SMYD3: variants seen among roughly 807,000 people sequenced by gnomAD.
The protein encoded by SMYD3 is SET and MYND domain containing 3, also known as histone-lysine N-methyltransferase SMYD3.
A neutral mutation model predicts 57.7 loss-of-function variants in SMYD3; 36 were observed. The observed-to-expected ratio is 0.62, with a 90% confidence interval of 0.48 to 0.82. The LOEUF is 0.82. Ranked by LOEUF, SMYD3 falls within the 40% of genes least tolerant of loss-of-function variation. The probability of loss-of-function intolerance (pLI) is 0.00; values close to 1 mark genes in which losing one functional copy is unlikely to be tolerated. For missense variants in SMYD3, 515 were observed against 538.8 expected (o/e 0.96, Z 0.44); for synonymous variants, 211 against 195.0 (o/e 1.08, Z -0.68).
intron 10 of SMYD3, among the ~76,000 whole-genome samples, chr1:245,785,795 C>A (rs906194005): frequency 1.3e-5 from 2 of 152,152 alleles, no homozygotes; most frequent in African/African-American, 4.8e-5. Context: ...AACTCCTTGG[C>A]TCAAGAGATC....
chr1:246,031,728 C>T (rs1191714835), intron 5 of SMYD3, among the ~76,000 whole-genome samples: 6 of 125,106 alleles, frequency 4.8e-5, no homozygotes, highest in Non-Finnish European at 1.6e-5. Context: ...CAGAGCGAGA[C>T]TTTGTCTCGA....
At chr1:246,388,031 C>T (rs2066514573) in intron 1 of SMYD3, among the ~76,000 whole-genome samples, 1 of 55,602 alleles carries the variant, frequency 1.8e-5, no homozygotes. Flanking sequence ...AGAAAACATT[C>T]ATTCTTGAAA....
At chr1:245,753,632 G>A (rs2045486793) in intron 11 of SMYD3, among the ~76,000 whole-genome samples, 1 of 151,708 alleles carries the variant, frequency 6.6e-6, no homozygotes, top group Admixed American at 6.6e-5. Flanking sequence ...GTGAGCTGGG[G>A]CAGACAGTCC....
intron 5 of SMYD3, among the ~76,000 whole-genome samples, chr1:246,187,377 A>G (rs1434520329): frequency 6.6e-6 from 1 of 152,216 alleles, no homozygotes; most frequent in Non-Finnish European, 1.5e-5. Context: ...AAGCACTCTG[A>G]GAAAACAATA....
At chr1:245,903,083 AC>A (rs1464963143) in intron 8 of SMYD3, among the ~76,000 whole-genome samples, 1 of 152,240 alleles carries the variant, frequency 6.6e-6, no homozygotes, top group African/African-American at 2.4e-5. Context: ...CACAGGTAAA[AC>A]AATATGAAAA....
chr1:245,798,204 T>G (rs2047637136), intron 10 of SMYD3, among the ~76,000 whole-genome samples: 1 of 151,952 alleles, frequency 6.6e-6, no homozygotes, highest in Non-Finnish European at 1.5e-5. Context: ...ACCCAGCTCC[T>G]TAGCCTGGCC....
intron 10 of SMYD3, among the ~76,000 whole-genome samples, chr1:245,798,419 C>CACA (rs2047673320): frequency 1.2e-5 from 1 of 86,524 alleles, no homozygotes; most frequent in African/African-American, 7.8e-5. Flanking sequence ...CACACACATA[C>CACA]ACACCCCCAC....
intron 8 of SMYD3, among the ~76,000 whole-genome samples, chr1:245,898,445 A>C (rs961033515): frequency 1.3e-5 from 2 of 152,242 alleles, no homozygotes; most frequent in African/African-American, 4.8e-5. Flanking sequence ...GTTGAATGTT[A>C]GGGTCGCAAC....
At chr1:246,211,202 T>C (rs11584702) in intron 5 of SMYD3, among the ~76,000 whole-genome samples, 13,440 of 152,146 alleles carry the variant, frequency 0.088, 1,056 homozygotes, top group East Asian at 0.24. Flanking sequence ...TGCTTTGGGA[T>C]TTGTTTGATG....
intron 6 of SMYD3, among the ~76,000 whole-genome samples, chr1:245,928,987 T>A (rs1244894020): frequency 6.6e-6 from 1 of 152,194 alleles, no homozygotes. Flanking sequence ...ACTTACTATG[T>A]AGAAACACTT....
At chr1:246,346,431 A>G (rs1372838439) in intron 2 of SMYD3, among the ~76,000 whole-genome samples, 4 of 152,002 alleles carry the variant, frequency 2.6e-5, no homozygotes, top group African/African-American at 9.7e-5. Context: ...CTGTATTAGT[A>G]CATTCTTATG....
At chr1:246,224,735 C>G (rs1291819241) in intron 5 of SMYD3, among the ~76,000 whole-genome samples, 2 of 151,836 alleles carry the variant, frequency 1.3e-5, no homozygotes, top group Non-Finnish European at 2.9e-5. Flanking sequence ...GGGAAACAGA[C>G]TTTAGACATA....
chr1:245,915,333 G>A (rs945113495), intron 8 of SMYD3, among the ~76,000 whole-genome samples, 197 bp downstream of exon 8: 1 of 152,030 alleles, frequency 6.6e-6, no homozygotes, highest in African/African-American at 2.4e-5. Context: ...TGGTTAAATC[G>A]GTTAAATCTC....
chr1:246,237,250 A>C (rs987961658), intron 5 of SMYD3, among the ~76,000 whole-genome samples: 2 of 152,166 alleles, frequency 1.3e-5, no homozygotes, highest in African/African-American at 2.4e-5. Flanking sequence ...CAAAAAAACT[A>C]TGCCTGCTGC....
intron 1 of SMYD3, among the ~76,000 whole-genome samples, chr1:246,442,091 A>C (rs780845315): frequency 1.1e-4 from 16 of 152,232 alleles, no homozygotes; most frequent in Non-Finnish European, 2.2e-4. Flanking sequence ...CATGAACTAT[A>C]TCATATAATA....
Position 246,336,350 on chromosome 1 carries a change from G to A in SMYD3, c.229-876C>T, listed in dbSNP as rs570990270. ...AAGAAGCCTCAATCAAATGTCTCTC[G>A]TGTTATATTCTGAAAATTGGAATTT... is the stretch of plus-strand genomic sequence containing the variant. On this transcript the variant is annotated intron_variant, in intron 2 of 11. Transcript: ENST00000490107. Among the ~76,000 whole-genome samples the A allele has an allele frequency of 1.0e-3, 159 of 152,220 alleles. 3 individuals are homozygous for A. In the South Asian group the frequency reaches 0.031, roughly 30 times the overall value.
intron 1 of SMYD3, among the ~76,000 whole-genome samples, chr1:246,409,972 CTGTT>C (rs1338062231): frequency 6.6e-6 from 1 of 152,068 alleles, no homozygotes; most frequent in Non-Finnish European, 1.5e-5. Context: ...ATTTGGCTCT[CTGTT>C]TGTCTGTTAT....
chr1:245,986,481 A>G (rs758354574), intron 5 of SMYD3, among the ~76,000 whole-genome samples: 21 of 152,246 alleles, frequency 1.4e-4, no homozygotes, highest in African/African-American at 5.1e-4. Flanking sequence ...TAGATTACTC[A>G]CACAGCCCCC....
At chr1:246,220,424 C>T (rs1022685021) in intron 5 of SMYD3, among the ~76,000 whole-genome samples, 1 of 151,990 alleles carries the variant, frequency 6.6e-6, no homozygotes, top group Admixed American at 6.5e-5. Context: ...GGTGGGAGCC[C>T]CACCTGCCTG....
Sources: gnomAD v4.1 joint callset for allele counts (sites outside exome capture counted in the v4.1 genomes callset) on GRCh38, gnomAD v4.1.1 for gene constraint, MANE v1.5 for transcripts, NCBI Gene and HGNC (gene_info 2026-07-23, HGNC 2026-07-21) for gene names.